VOPP1: variants seen among roughly 807,000 people sequenced by gnomAD.
VOPP1 encodes VOPP1 WW domain binding protein, also known as WW domain binding protein VOPP1.
In VOPP1, 8 loss-of-function variants were observed where a neutral mutation model predicts 23.5. The ratio of observed to expected loss-of-function variants is 0.34; its 90% CI spans 0.20 to 0.61. The LOEUF is 0.61. Among genes scored for constraint, VOPP1 ranks in the 20% least tolerant of loss-of-function variants. VOPP1 has a pLI of 0.78. For synonymous variants in VOPP1, 83 were observed against 97.3 expected (o/e 0.85, Z 0.86); for missense variants, 174 against 238.1 (o/e 0.73, Z 1.77).
chr7:55,558,001 G>A (rs746002501), intron 1 of VOPP1, among the ~76,000 whole-genome samples: 45 of 152,174 alleles, frequency 3.0e-4, no homozygotes, highest in Admixed American at 1.2e-3. Context: ...GGCATTGCAA[G>A]TACAGACAGA....
chr7:55,521,117 T>G lies in VOPP1; in HGVS notation c.68A>C (p.Lys23Thr). Residue 23 changes from lysine to threonine, a missense_variant, in exon 2 of 5, where the codon AAA becomes ACA. Physicochemically the swap from Lys to Thr is moderately conservative, Grantham distance 78 (BLOSUM62 -1). Coordinates refer to ENST00000285279, the MANE Select transcript of VOPP1 (RefSeq NM_030796.5). ...TCCTTCGAAATACCAGCAATGCTTT[T>G]TGGCTTCTGTGCACTGCAAATAGAA... ...LGLLLECTEA[K>T]KHCWYFEGLY... The G allele has an allele frequency of 6.3e-7, 1 of 1,581,280 alleles. No homozygotes were observed. Among genetic ancestry groups the G allele is most frequent in the Non-Finnish European group, 8.6e-7 (1 of 1,162,618 alleles).
chr7:55,436,746 AG>A (rs1790840265), intron 4 of VOPP1, among the ~76,000 whole-genome samples: 2 of 152,136 alleles, frequency 1.3e-5, no homozygotes, highest in Non-Finnish European at 2.9e-5. Context: ...ATCCTTCAAG[AG>A]GAAAAGATGC....
chr7:55,462,724 C>T (rs1269906043), intron 4 of VOPP1, among the ~76,000 whole-genome samples: 6 of 143,732 alleles, frequency 4.2e-5, no homozygotes, highest in African/African-American at 1.5e-4. Flanking sequence ...GGCGGGATCT[C>T]GGCTCACTGC....
At position 55,497,620 on chromosome 7, in the gene VOPP1, A is replaced by G; in HGVS notation, c.184T>C (p.Tyr62His). ...GGAGGAGTTGTGACCTACCAGAAGT[A>G]CCACAGCCTCTGTATGGAGAGGGCC... Reference protein sequence around the residue: ...VRALSIQRLWYFWFLLMMGVL... With the variant: ...VRALSIQRLWHFWFLLMMGVL... Residue 62 changes from tyrosine to histidine, a missense_variant, in exon 3 of 5, where the codon TAC becomes CAC. By Grantham distance (83) the Tyr-to-His change is moderately conservative. Coordinates refer to ENST00000285279, the MANE Select transcript of VOPP1 (RefSeq NM_030796.5). 6.2e-7 allele frequency: 1 copy of G among 1,611,062 alleles called. No homozygotes were observed. The highest frequency in any genetic ancestry group is 1.7e-5 in the Admixed American group (1 of 59,772).
chr7:55,565,661 T>A (rs1798140116), intron 1 of VOPP1, among the ~76,000 whole-genome samples: 1 of 152,250 alleles, frequency 6.6e-6, no homozygotes, highest in Non-Finnish European at 1.5e-5. Flanking sequence ...CTACAACTAT[T>A]GTGAGGTGTG....
chr7:55,458,432 T>A (rs1562884305), intron 4 of VOPP1, among the ~76,000 whole-genome samples: 1 of 152,112 alleles, frequency 6.6e-6, no homozygotes, highest in Non-Finnish European at 1.5e-5. Context: ...TGAACTTTGG[T>A]ATTTTTGTTT....
At chr7:55,459,262 G>A (rs1162461263) in intron 4 of VOPP1, among the ~76,000 whole-genome samples, 2 of 152,066 alleles carry the variant, frequency 1.3e-5, no homozygotes, top group Non-Finnish European at 2.9e-5. Context: ...GTGTACTGTT[G>A]AATTCAGCTT....
chr7:55,549,824 C>T (rs896239404), intron 1 of VOPP1, among the ~76,000 whole-genome samples: 3 of 152,218 alleles, frequency 2.0e-5, no homozygotes, highest in Non-Finnish European at 4.4e-5. Flanking sequence ...AAGAGATCCC[C>T]CTTTACAAAA....
At chr7:55,451,751 G>A (rs1051617270) in intron 4 of VOPP1, among the ~76,000 whole-genome samples, 14 of 152,294 alleles carry the variant, frequency 9.2e-5, no homozygotes, top group Admixed American at 2.6e-4. Context: ...AGATCGTGCC[G>A]CTGCACTCCA....
At chr7:55,539,792 A>G (rs1489576932) in intron 1 of VOPP1, among the ~76,000 whole-genome samples, 1 of 152,118 alleles carries the variant, frequency 6.6e-6, no homozygotes, top group Non-Finnish European at 1.5e-5. Context: ...TGAACCAACT[A>G]TATGGACAGG....
At chr7:55,476,005 C>T (rs982535526) in intron 4 of VOPP1, among the ~76,000 whole-genome samples, 14 of 152,146 alleles carry the variant, frequency 9.2e-5, no homozygotes, top group Non-Finnish European at 1.6e-4. Flanking sequence ...TGATGACAGG[C>T]GTCTCTTGAA....
intron 2 of VOPP1, among the ~76,000 whole-genome samples, chr7:55,502,410 AC>A (rs1367905911): frequency 5.3e-5 from 8 of 152,188 alleles, no homozygotes; most frequent in East Asian, 3.9e-4. Context: ...AAACACAGGA[AC>A]CCTTTATGCT....
At chr7:55,524,083 C>G (rs1796030735) in intron 1 of VOPP1, among the ~76,000 whole-genome samples, 1 of 152,186 alleles carries the variant, frequency 6.6e-6, no homozygotes, top group Non-Finnish European at 1.5e-5. Context: ...CACACAGACA[C>G]TCACTCTTCT....
At chr7:55,549,195 G>C (rs1039797806) in intron 1 of VOPP1, among the ~76,000 whole-genome samples, 6 of 152,092 alleles carry the variant, frequency 3.9e-5, no homozygotes, top group Admixed American at 2.0e-4. Context: ...GATAGGACCA[G>C]TTAATCATAA....
At chr7:55,525,442 T>A (rs967143078) in intron 1 of VOPP1, among the ~76,000 whole-genome samples, 2 of 151,150 alleles carry the variant, frequency 1.3e-5, no homozygotes, top group Admixed American at 6.6e-5. Flanking sequence ...TGAGCCGAGA[T>A]TGCGCCACTG....
chr7:55,564,243 G>GTCTCTCTCTGTCTCTCTCTCTCTCTC (rs1554302408), intron 1 of VOPP1, among the ~76,000 whole-genome samples: 2 of 125,984 alleles, frequency 1.6e-5, no homozygotes, highest in African/African-American at 3.2e-5. Flanking sequence ...CTCTGTCTCT[G>GTCTCTCTCTGTCTCTCTCTCTCTCTC]TCTCTCTCTC....
chr7:55,490,765 C>T (rs528202878), intron 4 of VOPP1, among the ~76,000 whole-genome samples: 1 of 152,342 alleles, frequency 6.6e-6, no homozygotes, highest in South Asian at 2.1e-4. Context: ...AGGCTAAAAT[C>T]CACTTACGGA....
chr7:55,558,264 A>G (rs1371285501), intron 1 of VOPP1, among the ~76,000 whole-genome samples: 1 of 152,154 alleles, frequency 6.6e-6, no homozygotes, highest in East Asian at 1.9e-4. Flanking sequence ...TTAGAGGCTT[A>G]TGGCATAAAT....
At chr7:55,529,934 A>C (rs1381720690) in intron 1 of VOPP1, among the ~76,000 whole-genome samples, 1 of 152,194 alleles carries the variant, frequency 6.6e-6, no homozygotes, top group Non-Finnish European at 1.5e-5. Flanking sequence ...TGAAGACACC[A>C]CATTTTGTTT....
Sources: allele counts gnomAD v4.1 joint callset (sites outside exome capture counted in the v4.1 genomes callset), GRCh38; gene constraint gnomAD v4.1.1; transcripts MANE v1.5; gene names NCBI Gene and HGNC (gene_info 2026-07-23, HGNC 2026-07-21).